Variants in TRAPPC9 observed in about 807,000 individuals in gnomAD.
The protein encoded by TRAPPC9 is IKK2 binding protein.
In TRAPPC9, 83 loss-of-function variants were observed where a neutral mutation model predicts 124.0. The ratio of observed to expected loss-of-function variants is 0.67; its 90% CI spans 0.56 to 0.80. The LOEUF is 0.80. Among genes scored for constraint, TRAPPC9 ranks in the 30% least tolerant of loss-of-function variants. The pLI, the probability that TRAPPC9 is intolerant of heterozygous loss-of-function variation, is 0.00. For synonymous variants in TRAPPC9, 638 were observed against 617.5 expected (o/e 1.03, Z -0.49); for missense variants, 1,302 against 1,508.3 (o/e 0.86, Z 2.27).
intron 17 of TRAPPC9, among the ~76,000 whole-genome samples, chr8:140,074,162 A>C (rs1443391292): frequency 1.3e-5 from 2 of 152,204 alleles, no homozygotes. Context: ...AGTGCAGGGC[A>C]GGTAAGCAGA....
At position 139,942,222 on chromosome 8, in the gene TRAPPC9, A is replaced by G. The variant is rs540779867; in HGVS notation, c.2811-31922T>C. Reference sequence around the variant, plus strand: ...TCTAGTTCTCAGCAAGGGTGATGACATCTCCGCCTGCTGAGCACGAGGGTT... The same window carrying G: ...TCTAGTTCTCAGCAAGGGTGATGACGTCTCCGCCTGCTGAGCACGAGGGTT... On this transcript the variant is annotated intron_variant, in intron 19 of 22. Transcript: ENST00000438773. Among the ~76,000 whole-genome samples the G allele has an allele frequency of 3.9e-5, 6 of 152,308 alleles. No homozygotes were observed. In the South Asian group the frequency reaches 1.0e-3, roughly 26 times the overall value.
intron 19 of TRAPPC9, among the ~76,000 whole-genome samples, chr8:139,924,037 T>C (rs1273831441): frequency 4.6e-5 from 7 of 152,164 alleles, no homozygotes; most frequent in African/African-American, 1.7e-4. Context: ...GGAGGGGGCA[T>C]GGCCAGGACC....
chr8:140,171,845 C>A (rs960115133), intron 17 of TRAPPC9, among the ~76,000 whole-genome samples: 2 of 152,140 alleles, frequency 1.3e-5, no homozygotes, highest in African/African-American at 4.8e-5. Context: ...AGGAGTATGG[C>A]CGCACCAACC....
intron 17 of TRAPPC9, among the ~76,000 whole-genome samples, chr8:140,217,312 C>T (rs955136356): frequency 4.6e-5 from 7 of 152,066 alleles, no homozygotes; most frequent in African/African-American, 7.2e-5. Context: ...AGGTCCTACT[C>T]GGGAGGAAGT....
intron 9 of TRAPPC9, among the ~76,000 whole-genome samples, chr8:140,329,386 T>C (rs1268526492): frequency 6.6e-6 from 1 of 152,002 alleles, no homozygotes; most frequent in Non-Finnish European, 1.5e-5. Context: ...AGCAACAAAT[T>C]AAAAATGGGA....
chr8:139,903,381 C>A (rs972783855), intron 20 of TRAPPC9, among the ~76,000 whole-genome samples: 1 of 152,156 alleles, frequency 6.6e-6, no homozygotes, highest in Non-Finnish European at 1.5e-5. Flanking sequence ...CCAGGTCATT[C>A]GCCTTCATGG....
chr8:140,233,138 C>A (rs577817192), intron 16 of TRAPPC9, among the ~76,000 whole-genome samples: 2 of 152,292 alleles, frequency 1.3e-5, no homozygotes, highest in South Asian at 4.1e-4. Flanking sequence ...TAAAGGCTCA[C>A]CCCATCATCC....
chr8:140,122,108 C>A (rs539508199), intron 17 of TRAPPC9, among the ~76,000 whole-genome samples: 1 of 151,870 alleles, frequency 6.6e-6, no homozygotes, highest in Admixed American at 6.6e-5. Flanking sequence ...AACAGTCATG[C>A]TGGGAAACTT....
chr8:140,359,330 C>T (rs1261930073), intron 9 of TRAPPC9, among the ~76,000 whole-genome samples: 1 of 152,088 alleles, frequency 6.6e-6, no homozygotes, highest in Non-Finnish European at 1.5e-5. Flanking sequence ...GCCAGGGGTA[C>T]AAGGAGGAAG....
intron 9 of TRAPPC9, among the ~76,000 whole-genome samples, chr8:140,327,082 G>A (rs1033275033): frequency 1.3e-4 from 20 of 151,974 alleles, no homozygotes; most frequent in East Asian, 9.6e-4. Flanking sequence ...GTGAAACCCC[G>A]TCTCTACTAA....
At chr8:140,243,387 T>C (rs534780903) in intron 16 of TRAPPC9, among the ~76,000 whole-genome samples, 2 of 152,284 alleles carry the variant, frequency 1.3e-5, no homozygotes, top group East Asian at 3.9e-4. Flanking sequence ...TGTGGATCTT[T>C]GAAAAGAGAC....
At chr8:139,988,029 CTT>C (rs1332488683) in intron 19 of TRAPPC9, among the ~76,000 whole-genome samples, 5 of 151,750 alleles carry the variant, frequency 3.3e-5, no homozygotes, top group Non-Finnish European at 7.4e-5. Flanking sequence ...CCTTGCCTGT[CTT>C]TCTGTAGCAT....
intron 7 of TRAPPC9, among the ~76,000 whole-genome samples, chr8:140,377,073 A>G (rs2068462870): frequency 6.6e-6 from 1 of 152,144 alleles, no homozygotes; most frequent in South Asian, 2.1e-4. Context: ...AGAGATGGCC[A>G]AGCAAAGTCC....
chr8:139,943,361 C>T (rs113598864), intron 19 of TRAPPC9, among the ~76,000 whole-genome samples: 12,062 of 152,252 alleles, frequency 0.079, 680 homozygotes, highest in Middle Eastern at 0.17. Flanking sequence ...ACCACTGTGC[C>T]CAGCCGAGGT....
At chr8:140,197,618 C>T (rs1278105348) in intron 17 of TRAPPC9, among the ~76,000 whole-genome samples, 3 of 152,166 alleles carry the variant, frequency 2.0e-5, no homozygotes, top group African/African-American at 7.2e-5. Flanking sequence ...TTTTAATTTC[C>T]TCTTTCCTTA....
At chr8:140,277,798 A>T (rs1291035738) in intron 14 of TRAPPC9, among the ~76,000 whole-genome samples, 1 of 152,244 alleles carries the variant, frequency 6.6e-6, no homozygotes, top group African/African-American at 2.4e-5. Context: ...CCAGTCTCCT[A>T]GGAGGAGATG....
intron 16 of TRAPPC9, among the ~76,000 whole-genome samples, chr8:140,249,597 C>CTTTTT (rs35511380): frequency 2.5e-3 from 201 of 81,956 alleles, no homozygotes; most frequent in African/African-American, 5.8e-3. Flanking sequence ...ATCTTTCACT[C>CTTTTT]TTTTTTTTTT....
rs1457698884 is a variant in TRAPPC9, at chr8:140,189,217, A to G, written c.2556+32242T>C. On this transcript the variant is annotated intron_variant, in intron 17 of 22. Transcript: ENST00000438773. Reference sequence around the variant, plus strand: ...TGCCTGGCATATATTTGCTGAAAGAATGCTGGAACCAAGGAACAGTTTCCC... The same window carrying G: ...TGCCTGGCATATATTTGCTGAAAGAGTGCTGGAACCAAGGAACAGTTTCCC... Among the ~76,000 whole-genome samples the G allele has an allele frequency of 2.0e-5, 3 of 152,360 alleles. 1 individual carries two copies. Among genetic ancestry groups the G allele is most frequent in the Middle Eastern group, 6.8e-3 (2 of 294 alleles).
At chr8:139,852,863 T>A (rs1827574293) in intron 21 of TRAPPC9, among the ~76,000 whole-genome samples, 1 of 152,108 alleles carries the variant, frequency 6.6e-6, no homozygotes, top group Non-Finnish European at 1.5e-5. Flanking sequence ...TCTTTCAAAA[T>A]ATGGGCAGCC....
Sources: allele counts gnomAD v4.1 joint callset (sites outside exome capture counted in the v4.1 genomes callset), GRCh38; gene constraint gnomAD v4.1.1; transcripts MANE v1.5; gene names NCBI Gene and HGNC (gene_info 2026-07-23, HGNC 2026-07-21).